Variants in PLCB4 observed in about 807,000 individuals in gnomAD.
PLCB4 encodes phospholipase C beta 4.
Under a neutral mutation model 178.8 loss-of-function variants are expected in PLCB4, and 77 were observed. That is an observed-to-expected ratio of 0.43 (90% CI 0.36 to 0.52). PLCB4 has a LOEUF of 0.52. Ranked by LOEUF, PLCB4 falls within the 20% of genes least tolerant of loss-of-function variation. The pLI is 0.00. For synonymous variants in PLCB4, 496 were observed against 490.8 expected (o/e 1.01, Z -0.14); for missense variants, 1,024 against 1,453.4 (o/e 0.70, Z 4.80).
At chr20:9,394,255 G>A (rs1165509385) in intron 18 of PLCB4, among the ~76,000 whole-genome samples, 3 of 152,006 alleles carry the variant, frequency 2.0e-5, no homozygotes, top group Non-Finnish European at 4.4e-5. Flanking sequence ...TTCCCCCCAA[G>A]TATTCTAAAT....
chr20:9,203,056 A>AAAAAAAAAATATATATATATATATAT (rs769628056), intron 2 of PLCB4, among the ~76,000 whole-genome samples: 2 of 126,164 alleles, frequency 1.6e-5, no homozygotes, highest in African/African-American at 6.6e-5. Context: ...AAAAAAAAAA[A>AAAAAAAAAATATATATATATATATAT]ATATATATAT....
At chr20:9,443,729 C>G (rs1169844439) in intron 30 of PLCB4, among the ~76,000 whole-genome samples, 1 of 152,026 alleles carries the variant, frequency 6.6e-6, no homozygotes, top group African/African-American at 2.4e-5. Context: ...AGAGTCTGCC[C>G]TCAATCAATC....
intron 32 of PLCB4, among the ~76,000 whole-genome samples, chr20:9,448,604 G>T (rs1475874166): frequency 6.7e-6 from 1 of 149,038 alleles, no homozygotes; most frequent in Non-Finnish European, 1.5e-5. Context: ...CTTAAAACAT[G>T]AGATTTATGC....
chr20:9,221,107 G>T (rs954661251), intron 3 of PLCB4, among the ~76,000 whole-genome samples: 2 of 152,100 alleles, frequency 1.3e-5, no homozygotes, highest in Non-Finnish European at 2.9e-5. Context: ...ACTAGTGAGT[G>T]GGGGAAGGGA....
intron 25 of PLCB4, among the ~76,000 whole-genome samples, chr20:9,415,071 G>A (rs60407575): frequency 0.044 from 6,670 of 152,162 alleles, 503 homozygotes; most frequent in African/African-American, 0.15. Flanking sequence ...TAACATCAAT[G>A]ACTAATAATG....
At position 9,456,912 on chromosome 20, in the gene PLCB4, T is replaced by A. The variant is rs182375522; in HGVS notation, c.2997-502T>A. On this transcript the variant is annotated intron_variant, in intron 33 of 39. Coordinates refer to ENST00000378473, the MANE Select transcript of PLCB4 (RefSeq NM_001377142.1). ...ATAAGCAGTAATAGTTGCTGGGCAC[T>A]CGCCTAGCATATATTTCCTACTCAC... is the stretch of plus-strand genomic sequence containing the variant. Among the ~76,000 whole-genome samples the A allele has an allele frequency of 5.9e-5, 9 of 152,320 alleles. No homozygotes were observed. In the East Asian group the frequency reaches 1.5e-3, roughly 26 times the overall value.
At chr20:9,243,861 A>G (rs929272645) in intron 3 of PLCB4, among the ~76,000 whole-genome samples, 55 of 152,154 alleles carry the variant, frequency 3.6e-4, no homozygotes, top group African/African-American at 1.2e-3. Context: ...TTATTATCTC[A>G]TAGGTAACTG....
intron 35 of PLCB4, among the ~76,000 whole-genome samples, chr20:9,460,416 GGA>G (rs2043319852): frequency 6.6e-6 from 1 of 152,140 alleles, no homozygotes; most frequent in Non-Finnish European, 1.5e-5. Flanking sequence ...AGCTACCTGT[GGA>G]GAGAGTCTCC....
At chr20:9,199,795 A>G (rs1201042935) in intron 2 of PLCB4, among the ~76,000 whole-genome samples, 1 of 151,800 alleles carries the variant, frequency 6.6e-6, no homozygotes, top group African/African-American at 2.4e-5. Context: ...GCAGCATGCG[A>G]AATTTTTAAA....
At chr20:9,115,993 T>A (rs566723234) in intron 2 of PLCB4, among the ~76,000 whole-genome samples, 1 of 152,228 alleles carries the variant, frequency 6.6e-6, no homozygotes, top group South Asian at 2.1e-4. Flanking sequence ...TTTAGTACTT[T>A]AACATAAGAG....
intron 2 of PLCB4, among the ~76,000 whole-genome samples, chr20:9,215,177 C>T (rs2147261661): frequency 6.6e-6 from 1 of 152,288 alleles, no homozygotes; most frequent in Non-Finnish European, 1.5e-5. Context: ...TGAGCATCTA[C>T]TCTGTGCCAG....
chr20:9,142,438 G>A (rs936868036), intron 2 of PLCB4, among the ~76,000 whole-genome samples: 2 of 152,108 alleles, frequency 1.3e-5, no homozygotes, highest in Admixed American at 1.3e-4. Context: ...ACTGTGGGTT[G>A]GTTGAAAGAT....
intron 1 of PLCB4, among the ~76,000 whole-genome samples, chr20:9,077,713 C>T (rs575396234): frequency 2.9e-4 from 44 of 152,270 alleles, no homozygotes; most frequent in Admixed American, 1.8e-3. Flanking sequence ...GGGACATGTC[C>T]ATAAGCACCC....
In PLCB4 at chr20:9,338,986, A is replaced by G. The variant is rs768132038; in HGVS notation, c.318A>G (p.Leu106=). The change falls in exon 7 of 40, where the codon CTA becomes CTG. Residue 106 remains leucine (L), a synonymous_variant. Coordinates refer to ENST00000378473, the MANE Select transcript of PLCB4 (RefSeq NM_001377142.1). ...TTTGTGTCTGCAGTGGCACAGATCT[A>G]GTGAACATTAGTTTTACCTACATGG... ...RIVCVCSGTD[L]VNISFTYMVA... 39 of 1,613,300 alleles carry G rather than the reference A, an allele frequency of 2.4e-5. No individual in the cohort carries two copies. Among genetic ancestry groups the G allele is most frequent in the Non-Finnish European group, 3.0e-5 (35 of 1,179,518 alleles).
chr20:9,411,668 T>C (rs773236303), intron 25 of PLCB4, among the ~76,000 whole-genome samples: 4 of 151,940 alleles, frequency 2.6e-5, no homozygotes, highest in Non-Finnish European at 4.4e-5. Flanking sequence ...ATGTTAATTC[T>C]ACAGAAACAC....
chr20:9,408,694 G>A lies in PLCB4; in HGVS notation c.1851G>A (p.Lys617=), dbSNP rs771506863. Residue 617 remains lysine, a synonymous_variant, in exon 23 of 40, where the codon AAG becomes AAA. Coordinates refer to ENST00000378473, the MANE Select transcript of PLCB4 (RefSeq NM_001377142.1). ...FNESVGLGYL[K]THAIEFVNYN... Reference sequence around the variant, plus strand: ...AATCAGTCGGTCTTGGCTACTTGAAGACACATGCAATTGAATTTGTCAAGT... The same window carrying A: ...AATCAGTCGGTCTTGGCTACTTGAAAACACATGCAATTGAATTTGTCAAGT... 8 of 1,574,866 alleles carry A rather than the reference G, an allele frequency of 5.1e-6. No individual in the cohort carries two copies. Among genetic ancestry groups the A allele is most frequent in the Non-Finnish European group, 7.0e-6 (8 of 1,144,592 alleles).
chr20:9,384,451 T>C (rs747606811), intron 14 of PLCB4, 40 bp downstream of exon 14: 16 of 1,336,166 alleles, frequency 1.2e-5, no homozygotes, highest in African/African-American at 2.9e-5. Context: ...TTGTGTGTGA[T>C]GCCCTTCAGT....
intron 3 of PLCB4, among the ~76,000 whole-genome samples, chr20:9,295,157 G>A (rs1286569770): frequency 6.6e-6 from 1 of 152,112 alleles, no homozygotes; most frequent in Non-Finnish European, 1.5e-5. Flanking sequence ...TACTTAATTT[G>A]TGCATGTTTC....
intron 2 of PLCB4, among the ~76,000 whole-genome samples, chr20:9,196,123 T>C (rs1043081455): frequency 1.3e-5 from 2 of 152,200 alleles, no homozygotes; most frequent in African/African-American, 4.8e-5. Context: ...GGTACTGTAG[T>C]AATTACAGAG....
Sources: allele counts gnomAD v4.1 joint callset (sites outside exome capture counted in the v4.1 genomes callset), GRCh38; gene constraint gnomAD v4.1.1; transcripts MANE v1.5; gene names NCBI Gene and HGNC (gene_info 2026-07-23, HGNC 2026-07-21).